Variants in SCGB1D1 observed in about 807,000 individuals in gnomAD.
SCGB1D1 encodes the protein lipophilin A (uteroglobin family member).
SCGB1D1 carries 10 observed loss-of-function variants against 8.3 expected under a neutral mutation model. The observed-to-expected ratio is 1.21, with a 90% CI of 0.74 to 2.05. SCGB1D1 has a LOEUF of 2.05. SCGB1D1 is among the 30% of genes most tolerant of loss of function. SCGB1D1 has a pLI of 0.00. For synonymous variants in SCGB1D1, 46 were observed against 41.7 expected, an observed-to-expected ratio of 1.10 and a Z score of -0.39; for missense variants, 94 against 105.1, an observed-to-expected ratio of 0.89 and a Z score of 0.46.
In SCGB1D1 at chr11:62,192,092, T is replaced by C. The variant is rs754707266; in HGVS notation, c.92T>C (p.Ile31Thr). 6.2e-7 allele frequency: 1 copy of C among 1,612,034 alleles called. No individual in the cohort carries two copies. Among genetic ancestry groups the C allele is most frequent in the East Asian group, 2.2e-5 (1 of 44,838 alleles). The change falls in exon 2 of 3, where the codon ATC (isoleucine) becomes ACC (threonine). Residue 31 changes from isoleucine to threonine, a missense_variant. Ile to Thr is a moderately conservative substitution (Grantham distance 89). Coordinates refer to ENST00000306238, the MANE Select transcript of SCGB1D1 (RefSeq NM_006552.2). ...AVVCQALGSE[I>T]TGFLLAGKPV... ...GTCTGCCAAGCTCTTGGTTCTGAAA[T>C]CACAGGCTTCTTATTAGCTGGAAAA... is the stretch of plus-strand genomic sequence containing the variant.
At chr11:62,190,455 T>C (rs1188304989) in intron 1 of SCGB1D1, 116 bp downstream of exon 1, 1 of 1,239,438 alleles carries the variant, frequency 8.1e-7, no homozygotes, top group African/African-American at 1.5e-5. Flanking sequence ...TTCCAAACCT[T>C]ATCCTGTGCT....
chr11:62,192,156 T>C lies in SCGB1D1; in HGVS notation c.156T>C (p.Pro52=), dbSNP rs1483498662. ...TCCAACTTGCCAAATTTAAGGCACCTCTGGAAGCTGTTGCAGCCAAGATGG... is the reference window on the plus strand; with the variant it reads ...TCCAACTTGCCAAATTTAAGGCACCCCTGGAAGCTGTTGCAGCCAAGATGG... ...FKFQLAKFKA[P]LEAVAAKMEV... The change falls in exon 2 of 3, where the codon CCT becomes CCC. Residue 52 remains proline, a synonymous_variant. Transcript: ENST00000306238. The C allele has an allele frequency of 1.2e-6, 2 of 1,613,944 alleles. No homozygotes were observed. Among genetic ancestry groups the C allele is most frequent in the Non-Finnish European group, 8.5e-7 (1 of 1,179,920 alleles).
chr11:62,193,303 G>C, intron 2 of SCGB1D1, 96 bp from the exon 3 acceptor site: 1 of 1,145,186 alleles, frequency 8.7e-7, no homozygotes, highest in Non-Finnish European at 1.3e-6. Context: ...AATTGTCTTT[G>C]GGAGCAGAAT....
intron 2 of SCGB1D1, among the ~76,000 whole-genome samples, chr11:62,192,825 G>A (rs914887746): frequency 2.0e-5 from 3 of 152,182 alleles, no homozygotes; most frequent in African/African-American, 7.2e-5. Flanking sequence ...CAAGACCCTC[G>A]CTACTCTACC....
chr11:62,192,759 C>G (rs778781119), intron 2 of SCGB1D1, among the ~76,000 whole-genome samples: 2 of 152,152 alleles, frequency 1.3e-5, no homozygotes, highest in Non-Finnish European at 2.9e-5. Context: ...CCCAGCTCCT[C>G]AGACTCCACG....
Position 62,193,510 on chromosome 11 carries a change from G to A in SCGB1D1, c.*82G>A, listed in dbSNP as rs1358630274. 8 of 1,211,274 alleles carry A rather than the reference G, an allele frequency of 6.6e-6. No individual in the cohort carries two copies. The highest frequency in any genetic ancestry group is 4.6e-5 in the African/African-American group (3 of 65,928). 75.0% of individuals were successfully genotyped at this position (1,211,274 alleles called of 1,614,324 possible). On this transcript the variant is annotated 3_prime_UTR_variant, in exon 3 of 3. Transcript: ENST00000306238. ...CACTGCAGAATGTAAAGGTTTCAAC[G>A]TCTTGCTCTAATAAATCACTTGCCC...
rs769566933 is a variant in SCGB1D1, at chr11:62,190,242, C to T, written c.-43C>T. The T allele has an allele frequency of 6.2e-7, 1 of 1,613,342 alleles. No homozygotes were observed. Among genetic ancestry groups the T allele is most frequent in the Non-Finnish European group, 8.5e-7 (1 of 1,179,380 alleles). On this transcript the variant is annotated 5_prime_UTR_variant, in exon 1 of 3. Coordinates refer to ENST00000306238, the MANE Select transcript of SCGB1D1 (RefSeq NM_006552.2). ...GGCTCCCGGGGCTGAGTCTAAATCA[C>T]TCATCATTGGTTAAAGCCGAGCTCA...
At chr11:62,191,237 G>C (rs918719317) in intron 1 of SCGB1D1, among the ~76,000 whole-genome samples, 29 of 152,118 alleles carry the variant, frequency 1.9e-4, no homozygotes, top group African/African-American at 7.0e-4. Context: ...AAGTCGGGTA[G>C]TCAGGGGTCA....
chr11:62,192,628 G>A (rs1446498172), intron 2 of SCGB1D1, among the ~76,000 whole-genome samples: 3 of 152,220 alleles, frequency 2.0e-5, no homozygotes, highest in African/African-American at 7.2e-5. Flanking sequence ...GTACTGGGGA[G>A]TGTGGGAGCC....
chr11:62,192,348 C>A, intron 2 of SCGB1D1, 105 bp downstream of exon 2: 1 of 967,122 alleles, frequency 1.0e-6, no homozygotes, highest in Non-Finnish European at 1.6e-6. Flanking sequence ...GGTGGGGCAC[C>A]TGCCTTACTG....
At chr11:62,193,374 T>C (rs1266547722) in intron 2 of SCGB1D1, 25 bp from the exon 3 acceptor site, 2 of 1,611,462 alleles carry the variant, frequency 1.2e-6, no homozygotes, top group Non-Finnish European at 1.7e-6. Flanking sequence ...GACCTCACCT[T>C]CCTTTCTTTC....
In SCGB1D1 at chr11:62,192,123, G is replaced by A; in HGVS notation, c.123G>A (p.Val41=). The change falls in exon 2 of 3, where the codon GTG becomes GTA. Residue 41 remains valine (V), a synonymous_variant. Coordinates refer to ENST00000306238, the MANE Select transcript of SCGB1D1 (RefSeq NM_006552.2). ...ITGFLLAGKP[V]FKFQLAKFKA... is the part of the protein sequence containing the mutation. Reference sequence around the variant, plus strand: ...GCTTCTTATTAGCTGGAAAACCTGTGTTCAAGTTCCAACTTGCCAAATTTA... The same window carrying A: ...GCTTCTTATTAGCTGGAAAACCTGTATTCAAGTTCCAACTTGCCAAATTTA... 1 of 1,613,672 alleles carries A rather than the reference G, an allele frequency of 6.2e-7. No individual in the cohort carries two copies. Among genetic ancestry groups the A allele is most frequent in the Non-Finnish European group, 8.5e-7 (1 of 1,179,636 alleles).
At position 62,193,476 on chromosome 11, in the gene SCGB1D1, C is replaced by G; in HGVS notation, c.*48C>G. On this transcript the variant is annotated 3_prime_UTR_variant, in exon 3 of 3. Transcript: ENST00000306238. Reference sequence around the variant, plus strand: ...AGTTTCCACCATCTTTCAATGATACCCTGATCTTCACTGCAGAATGTAAAG... The same window carrying G: ...AGTTTCCACCATCTTTCAATGATACGCTGATCTTCACTGCAGAATGTAAAG... 1 of 1,495,170 alleles carries G rather than the reference C, an allele frequency of 6.7e-7. No individual in the cohort carries two copies. 92.6% of individuals were successfully genotyped at this position (1,495,170 alleles called of 1,614,324 possible).
chr11:62,191,912 A>T, intron 1 of SCGB1D1, 144 bp from the exon 2 acceptor site: 1 of 671,022 alleles, frequency 1.5e-6, no homozygotes, highest in South Asian at 3.0e-5. Context: ...GGAAGTCACA[A>T]CCTCCTGGGT....
intron 2 of SCGB1D1, among the ~76,000 whole-genome samples, chr11:62,192,870 C>A (rs902418128): frequency 4.6e-5 from 7 of 152,370 alleles, no homozygotes; most frequent in African/African-American, 1.4e-4. Flanking sequence ...TGTTCTCACT[C>A]TGTCTTTCTC....
chr11:62,190,573 G>A (rs754037260), intron 1 of SCGB1D1, among the ~76,000 whole-genome samples: 1 of 152,180 alleles, frequency 6.6e-6, no homozygotes, highest in Non-Finnish European at 1.5e-5. Context: ...TTCTGCCTGA[G>A]CTTCACTCTT....
At chr11:62,191,377 C>T (rs151190774) in intron 1 of SCGB1D1, among the ~76,000 whole-genome samples, 1 of 152,202 alleles carries the variant, frequency 6.6e-6, no homozygotes, top group Non-Finnish European at 1.5e-5. Flanking sequence ...AGGAATGAGC[C>T]TCAGTTCCCT....
Position 62,193,451 on chromosome 11 carries a change from A to G in SCGB1D1, c.*23A>G, listed in dbSNP as rs374753073. On this transcript the variant is annotated 3_prime_UTR_variant, in exon 3 of 3. Coordinates refer to ENST00000306238, the MANE Select transcript of SCGB1D1 (RefSeq NM_006552.2). ...TGAGATGTAAAAAGTTTTTAATGCTAGTTTCCACCATCTTTCAATGATACC... is the reference window on the plus strand; with the variant it reads ...TGAGATGTAAAAAGTTTTTAATGCTGGTTTCCACCATCTTTCAATGATACC... 3.3e-4 allele frequency: 531 copies of G among 1,594,756 alleles called. 3 individuals carry two copies. The Middle Eastern group carries it at 4.7e-3, about 14-fold the overall frequency.
chr11:62,193,340 G>T (rs1394045895), intron 2 of SCGB1D1, 59 bp from the exon 3 acceptor site: 2 of 1,510,818 alleles, frequency 1.3e-6, no homozygotes, highest in Non-Finnish European at 1.8e-6. Flanking sequence ...ATGTTAACCT[G>T]TTGTCTCCAG....
Sources: allele counts gnomAD v4.1 joint callset (sites outside exome capture counted in the v4.1 genomes callset), GRCh38; gene constraint gnomAD v4.1.1; transcripts MANE v1.5; gene names NCBI Gene and HGNC (gene_info 2026-07-23, HGNC 2026-07-21).